Variants in MYO18A observed in about 807,000 individuals in gnomAD.
MYO18A encodes myosin XVIIIA.
MYO18A carries 78 observed loss-of-function variants against 235.8 expected under a neutral mutation model. The observed-to-expected ratio is 0.33, with a 90% CI of 0.28 to 0.40. The LOEUF is 0.40. MYO18A is among the 10% of genes least tolerant of loss of function. The pLI is 1.00. For synonymous variants in MYO18A, 977 were observed against 1,077.8 expected, an observed-to-expected ratio of 0.91 and a Z score of 1.83; for missense variants, 2,215 against 2,699.3, an observed-to-expected ratio of 0.82 and a Z score of 3.98.
intron 27 of MYO18A, 104 bp downstream of exon 27, chr17:29,097,119 T>C (rs1449230448): frequency 2.6e-6 from 4 of 1,518,094 alleles, no homozygotes; most frequent in Admixed American, 1.9e-5. Flanking sequence ...CCCCGATCCA[T>C]TCCAGCCAGG....
chr17:29,104,708 A>G (rs1446155662), intron 20 of MYO18A, among the ~76,000 whole-genome samples: 1 of 152,142 alleles, frequency 6.6e-6, no homozygotes. Context: ...ATGGCCAAGG[A>G]CAGAGTCCTG....
chr17:29,152,730 C>T (rs1555538854), intron 2 of MYO18A, among the ~76,000 whole-genome samples: 1 of 149,518 alleles, frequency 6.7e-6, no homozygotes, highest in Non-Finnish European at 1.5e-5. Context: ...TTCACTTCTT[C>T]TTTTTTTTTT....
In MYO18A at chr17:29,166,691, C is replaced by T; in HGVS notation, c.250G>A (p.Asp84Asn). ...SDLHLTDIDS[D>N]SNRGSVILDS... is the part of the protein sequence containing the mutation. ...AGGATGACGCTGCCCCGGTTACTAT[C>T]GGAGTCAATGTCAGTCAGGTGCAGG... The change falls in exon 2 of 42, where the codon GAT becomes AAT. Residue 84 changes from aspartate (D) to asparagine (N), a missense_variant. Transcript: ENST00000527372. 3.1e-6 allele frequency: 5 copies of T among 1,613,788 alleles called. No individual in the cohort carries two copies. Among genetic ancestry groups the T allele is most frequent in the Middle Eastern group, 3.3e-4 (2 of 6,060 alleles).
intron 23 of MYO18A, 67 bp downstream of exon 23, chr17:29,098,759 A>G: frequency 6.3e-7 from 1 of 1,586,040 alleles, no homozygotes; most frequent in Non-Finnish European, 8.6e-7. Context: ...AAGCGCCTGG[A>G]AGCCCAAGAT....
intron 25 of MYO18A, 27 bp from the exon 26 acceptor site, chr17:29,097,926 G>A: frequency 6.3e-7 from 1 of 1,599,698 alleles, no homozygotes; most frequent in Non-Finnish European, 8.5e-7. Context: ...TTCAGGGTGT[G>A]CCATTCCATC....
chr17:29,093,884 G>GA (rs2066459328), intron 31 of MYO18A, 96 bp downstream of exon 31: 1 of 833,840 alleles, frequency 1.2e-6, no homozygotes. Flanking sequence ...AATGGAAGAC[G>GA]ATGTGGCTGA....
At chr17:29,099,033 G>C in intron 22 of MYO18A, 64 bp from the exon 23 acceptor site, 43 of 1,595,748 alleles carry the variant, frequency 2.7e-5, no homozygotes, top group Non-Finnish European at 3.4e-5. Context: ...GCTCGGCCCA[G>C]GATCCTCCCC....
intron 2 of MYO18A, among the ~76,000 whole-genome samples, chr17:29,146,166 G>A (rs555354733): frequency 6.6e-6 from 1 of 152,312 alleles, no homozygotes; most frequent in Non-Finnish European, 1.5e-5. Context: ...GCTGAGGCAG[G>A]AGAATCACTT....
At position 29,140,280 on chromosome 17, in the gene MYO18A, G is replaced by A; in HGVS notation, c.1000-18027C>T. On this transcript the variant is annotated intron_variant, in intron 2 of 41. Transcript: ENST00000527372. The surrounding 1 kb of genome is among the most constrained non-coding windows in gnomAD (Gnocchi z 4.2). ...CAAAAAGGTCCCTCCTTTCCTAAAT[G>A]AGGAAATAGCATGAGGAGCCTGGGA... 1.8e-6 allele frequency: 2 copies of A among 1,122,618 alleles called. No individual in the cohort carries two copies. The highest frequency in any genetic ancestry group is 3.1e-5 in the South Asian group (2 of 65,056). 69.5% of individuals were successfully genotyped at this position (1,122,618 alleles called of 1,614,324 possible). A position where few individuals can be genotyped will look rare whatever the true frequency, so the allele number is the denominator to read the frequency against.
At position 29,166,306 on chromosome 17, in the gene MYO18A, G is replaced by A. The variant is rs768605302; in HGVS notation, c.635C>T (p.Pro212Leu). Reference protein sequence around the residue: ...PVDLRLPPVVPLPPPTLRELE... With the variant: ...PVDLRLPPVVLLPPPTLRELE... ...CTCCCGGAGGGTAGGTGGGGGCAGG[G>A]GCACCACGGGGGGCAGGCGCAGGTC... The change falls in exon 2 of 42, where the codon CCC becomes CTC. Residue 212 changes from proline to leucine, a missense_variant. Pro to Leu is a moderately conservative substitution (Grantham distance 98, BLOSUM62 -3). Transcript: ENST00000527372. The A allele has an allele frequency of 2.5e-6, 4 of 1,612,482 alleles. No individual in the cohort carries two copies. Among genetic ancestry groups the A allele is most frequent in the African/African-American group, 1.3e-5 (1 of 74,948 alleles).
chr17:29,156,064 T>A (rs1357549275), intron 2 of MYO18A, among the ~76,000 whole-genome samples: 4 of 152,160 alleles, frequency 2.6e-5, no homozygotes, highest in Non-Finnish European at 5.9e-5. Context: ...CACTCTCTCC[T>A]CCCTGGTAGG....
intron 41 of MYO18A, chr17:29,080,261 T>G (rs563827202): frequency 1.0e-6 from 1 of 985,964 alleles, no homozygotes; most frequent in African/African-American, 1.7e-5. Context: ...AAGACCTCGT[T>G]GACGGCAGCC....
At chr17:29,112,210 A>G (rs2066948441) in intron 15 of MYO18A, among the ~76,000 whole-genome samples, 1 of 152,120 alleles carries the variant, frequency 6.6e-6, no homozygotes, top group Admixed American at 6.5e-5. Context: ...ACTTGGATGA[A>G]CCCCACATTG....
intron 2 of MYO18A, among the ~76,000 whole-genome samples, chr17:29,137,754 C>T (rs2067639080): frequency 6.6e-6 from 1 of 152,072 alleles, no homozygotes; most frequent in Non-Finnish European, 1.5e-5. Context: ...ATATGGAAAG[C>T]TCCATATAAA....
intron 34 of MYO18A, chr17:29,091,745 C>T: frequency 2.2e-6 from 1 of 450,832 alleles, no homozygotes; most frequent in South Asian, 1.6e-5. Flanking sequence ...CCCAGCCCAG[C>T]CTCCTCCCCT....
At chr17:29,105,329 G>A (rs1369683399) in intron 20 of MYO18A, among the ~76,000 whole-genome samples, 2 of 152,134 alleles carry the variant, frequency 1.3e-5, no homozygotes, top group East Asian at 1.9e-4. Context: ...GCAGGCAGGA[G>A]GCAGAGCACA....
chr17:29,095,075 G>A lies in MYO18A; in HGVS notation c.4386-16C>T, dbSNP rs1373851877. ...ACTGTCAAACCTGCGAGGGAGTGTG[G>A]CGGCTCCATCAGATGGGGAAGAGCC... is the stretch of plus-strand genomic sequence containing the variant. On this transcript the variant is annotated splice_polypyrimidine_tract_variant and intron_variant, in intron 28 of 41. Coordinates refer to ENST00000527372, the MANE Select transcript of MYO18A (RefSeq NM_078471.4). The A allele has an allele frequency of 3.3e-6, 5 of 1,512,806 alleles. No homozygotes were observed. Among genetic ancestry groups the A allele is most frequent in the Non-Finnish European group, 4.4e-6 (5 of 1,126,182 alleles). The allele number at this position is 1,512,806 out of a possible 1,614,324, so 93.7% of individuals were successfully genotyped here.
chr17:29,166,446 T>G lies in MYO18A; in HGVS notation c.495A>C (p.Pro165=), dbSNP rs766199385. The G allele has an allele frequency of 6.2e-7, 1 of 1,613,724 alleles. No individual in the cohort carries two copies. The highest frequency in any genetic ancestry group is 8.5e-7 in the Non-Finnish European group (1 of 1,179,862). The change falls in exon 2 of 42, where the codon CCA becomes CCC. Residue 165 remains proline (P), a synonymous_variant. Coordinates refer to ENST00000527372, the MANE Select transcript of MYO18A (RefSeq NM_078471.4). The part of the protein sequence containing the change: ...TPSEHSAAPS[P]QVEVRTLEGQ... ...CCTCTAGAGTCCTCACCTCCACCTG[T>G]GGCGAGGGGGCGGCAGAGTGCTCTG... is the stretch of plus-strand genomic sequence containing the variant.
At position 29,074,682 on chromosome 17, in the gene MYO18A, G is replaced by T; in HGVS notation, c.*88C>A. 1 of 1,456,810 alleles carries T rather than the reference G, an allele frequency of 6.9e-7. No individual in the cohort carries two copies. Among genetic ancestry groups the T allele is most frequent in the Non-Finnish European group, 9.6e-7 (1 of 1,045,812 alleles). The allele number at this position is 1,456,810 out of a possible 1,614,324, so 90.2% of individuals were successfully genotyped here. On this transcript the variant is annotated 3_prime_UTR_variant, in exon 42 of 42. Transcript: ENST00000527372. The surrounding 1 kb of genome is among the most constrained non-coding windows in gnomAD (Gnocchi z 4.4). The stretch of plus-strand genomic sequence containing the variant: ...CCCATGCAGATCAGCAGTCGGGTGG[G>T]GGAGACCGGTGCCCCACCACTTCCT...
Sources: gnomAD v4.1 joint callset for allele counts (sites outside exome capture counted in the v4.1 genomes callset) on GRCh38, gnomAD v4.1.1 for gene constraint, Gnocchi (gnomAD v3.1) non-coding constraint, MANE v1.5 for transcripts, NCBI Gene and HGNC (gene_info 2026-07-23, HGNC 2026-07-21) for gene names.